Variants in ZBTB20 observed in about 807,000 individuals in gnomAD.
ZBTB20 encodes the protein zinc finger and BTB domain-containing protein 20.
A neutral mutation model predicts 56.9 loss-of-function variants in ZBTB20; 9 were observed. That is an observed-to-expected ratio of 0.16 (90% CI 0.10 to 0.28). The LOEUF (loss-of-function observed/expected upper bound fraction) is 0.28, where lower values mean the gene tolerates loss of function less well. ZBTB20 is among the 10% of genes least tolerant of loss of function. The pLI, the probability that ZBTB20 is intolerant of heterozygous loss-of-function variation, is 1.00. For missense variants in ZBTB20, 655 were observed against 1,003.0 expected (o/e 0.65, Z 4.69); for synonymous variants, 417 against 420.7 (o/e 0.99, Z 0.11).
rs956786998 is a variant in ZBTB20, at chr3:114,330,507, C to G, written c.*8498G>C. ...AGTAACTCATATTCTTTCACAAAGT[C>G]ACTAGTACTGTTAATTAAAGGAAAA... On this transcript the variant is annotated 3_prime_UTR_variant, in exon 12 of 12. Transcript: ENST00000675478. The G allele has an allele frequency of 6.6e-6, 1 of 152,114 alleles. No homozygotes were observed. Among genetic ancestry groups the G allele is most frequent in the African/African-American group, 2.4e-5 (1 of 41,406 alleles). 9.4% of individuals were successfully genotyped at this position (152,114 alleles called of 1,614,324 possible).
At chr3:114,386,275 AT>A (rs990437445) in intron 8 of ZBTB20, among the ~76,000 whole-genome samples, 40 of 151,754 alleles carry the variant, frequency 2.6e-4, no homozygotes, top group African/African-American at 9.2e-4. Flanking sequence ...TCTCAATCTT[AT>A]TTTTTTTAAC....
intron 7 of ZBTB20, among the ~76,000 whole-genome samples, chr3:114,412,421 G>A (rs2088062643): frequency 1.3e-5 from 2 of 152,086 alleles, no homozygotes; most frequent in Admixed American, 6.6e-5. Flanking sequence ...AACAAAGCAG[G>A]GAATGCTCTG....
intron 6 of ZBTB20, among the ~76,000 whole-genome samples, chr3:114,655,048 C>A (rs1366356841): frequency 6.6e-6 from 1 of 151,916 alleles, no homozygotes; most frequent in Non-Finnish European, 1.5e-5. Flanking sequence ...AAAGTGTATT[C>A]CTGTAGACAG....
chr3:114,964,730 T>A (rs753396267), intron 3 of ZBTB20, among the ~76,000 whole-genome samples: 2 of 152,030 alleles, frequency 1.3e-5, no homozygotes, highest in Non-Finnish European at 2.9e-5. Flanking sequence ...AGTTTGGAAG[T>A]TAGGGGCTCA....
intron 3 of ZBTB20, among the ~76,000 whole-genome samples, chr3:114,906,092 G>A (rs561052878): frequency 2.6e-5 from 4 of 151,780 alleles, no homozygotes; most frequent in South Asian, 4.2e-4. Flanking sequence ...ACTCCATAGA[G>A]GCCACACTAC....
chr3:114,535,910 C>T (rs1008864891), intron 6 of ZBTB20, among the ~76,000 whole-genome samples: 8 of 152,186 alleles, frequency 5.3e-5, no homozygotes, highest in African/African-American at 1.9e-4. Context: ...ATGATTATCT[C>T]AATAGATGCA....
intron 7 of ZBTB20, among the ~76,000 whole-genome samples, chr3:114,448,701 A>C (rs1402627129): frequency 6.6e-6 from 1 of 152,210 alleles, no homozygotes; most frequent in African/African-American, 2.4e-5. Flanking sequence ...TAGCTGCATA[A>C]AATTCAGCAG....
chr3:115,067,618 T>C (rs566004512), intron 2 of ZBTB20, among the ~76,000 whole-genome samples: 113 of 152,156 alleles, frequency 7.4e-4, no homozygotes, highest in Middle Eastern at 3.4e-3. Flanking sequence ...ATCCCTCTGA[T>C]ACAGAGAAAT....
At chr3:114,464,691 G>A (rs1347105193) in intron 7 of ZBTB20, among the ~76,000 whole-genome samples, 1 of 152,126 alleles carries the variant, frequency 6.6e-6, no homozygotes. Context: ...GGTGAAGGGA[G>A]GTTTCCCTTT....
intron 7 of ZBTB20, among the ~76,000 whole-genome samples, chr3:114,494,408 T>C (rs957717088): frequency 6.6e-6 from 1 of 152,190 alleles, no homozygotes; most frequent in Non-Finnish European, 1.5e-5. Flanking sequence ...TTCATCTCAC[T>C]CAGTACTTCC....
intron 2 of ZBTB20, among the ~76,000 whole-genome samples, chr3:114,987,313 A>G (rs1186890349): frequency 1.3e-5 from 2 of 152,152 alleles, no homozygotes; most frequent in African/African-American, 4.8e-5. Context: ...TTTTGAGGTC[A>G]TAAAATGCTT....
In ZBTB20 at chr3:114,336,759, A is replaced by G. The variant is rs1321405800; in HGVS notation, c.*2246T>C. ...TAAATAAAATGCTGACAGGAAAATT[A>G]GAAGGAAAATTAAATTAAAATGTAA... On this transcript the variant is annotated 3_prime_UTR_variant, in exon 12 of 12. Coordinates refer to ENST00000675478, the MANE Select transcript of ZBTB20 (RefSeq NM_001348800.3). The G allele has an allele frequency of 6.6e-6, 1 of 152,254 alleles. No homozygotes were observed. The highest frequency in any genetic ancestry group is 1.5e-5 in the Non-Finnish European group (1 of 68,040). 9.4% of individuals were successfully genotyped at this position (152,254 alleles called of 1,614,324 possible). A position where few individuals can be genotyped will look rare whatever the true frequency, so the allele number is the denominator to read the frequency against.
intron 7 of ZBTB20, among the ~76,000 whole-genome samples, chr3:114,407,910 GA>G (rs199899690): frequency 6.5e-4 from 92 of 140,472 alleles, no homozygotes; most frequent in African/African-American, 2.0e-3. Context: ...TAACCTATAT[GA>G]GGGGGGGGAA....
chr3:115,030,295 A>G (rs1454042002), intron 2 of ZBTB20, among the ~76,000 whole-genome samples: 1 of 151,028 alleles, frequency 6.6e-6, no homozygotes, highest in Non-Finnish European at 1.5e-5. Flanking sequence ...ATCCCTTTAG[A>G]CAACAAGAAG....
chr3:115,106,997 T>C (rs1214443786), intron 1 of ZBTB20, among the ~76,000 whole-genome samples: 1 of 152,256 alleles, frequency 6.6e-6, no homozygotes, highest in East Asian at 1.9e-4. Flanking sequence ...ATAAGGATGA[T>C]ATAAACAAGT....
chr3:114,978,517 A>G lies in ZBTB20; in HGVS notation c.-506-4101T>C, dbSNP rs1360258957. On this transcript the variant is annotated intron_variant, in intron 2 of 11. Coordinates refer to ENST00000675478, the MANE Select transcript of ZBTB20 (RefSeq NM_001348800.3). The stretch of plus-strand genomic sequence containing the variant: ...GACATGGCAAGTGAAAATATATAAT[A>G]CATCATTAAGCTTAGAAAACAGGTT... Among the ~76,000 whole-genome samples, 4 of 151,752 alleles carry G rather than the reference A, an allele frequency of 2.6e-5. No individual in the cohort carries two copies. The East Asian group carries it at 7.7e-4, about 29-fold the overall frequency.
chr3:114,428,154 C>T (rs1371767364), intron 7 of ZBTB20, among the ~76,000 whole-genome samples: 3 of 152,102 alleles, frequency 2.0e-5, no homozygotes, highest in South Asian at 2.1e-4. Context: ...AGAGAATCCC[C>T]CATACCCCCC....
intron 4 of ZBTB20, among the ~76,000 whole-genome samples, chr3:114,878,523 C>T (rs1158789776): frequency 6.6e-6 from 1 of 150,480 alleles, no homozygotes; most frequent in East Asian, 1.9e-4. Flanking sequence ...TTTCTCCACT[C>T]AGCAATGCTA....
chr3:114,373,808 AAATG>A (rs1403791532), intron 10 of ZBTB20, among the ~76,000 whole-genome samples: 1 of 152,200 alleles, frequency 6.6e-6, no homozygotes, highest in Non-Finnish European at 1.5e-5. Flanking sequence ...ATTAATGACT[AAATG>A]AATGAATGAA....
Sources: gnomAD v4.1 joint callset for allele counts (sites outside exome capture counted in the v4.1 genomes callset) on GRCh38, gnomAD v4.1.1 for gene constraint, MANE v1.5 for transcripts, NCBI Gene and HGNC (gene_info 2026-07-23, HGNC 2026-07-21) for gene names.